EPB41L1: variants seen among roughly 807,000 people sequenced by gnomAD.
EPB41L1 encodes erythrocyte membrane protein band 4.1 like 1.
A neutral mutation model predicts 97.8 loss-of-function variants in EPB41L1; 29 were observed. The ratio of observed to expected loss-of-function variants is 0.30; its 90% CI spans 0.22 to 0.40. The LOEUF is 0.40. EPB41L1 is among the 10% of genes least tolerant of loss of function. The probability of loss-of-function intolerance (pLI) is 1.00; values close to 1 mark genes in which losing one functional copy is unlikely to be tolerated. For missense variants in EPB41L1, 812 were observed against 1,162.3 expected, an observed-to-expected ratio of 0.70 and a Z score of 4.38; for synonymous variants, 383 against 459.2, an observed-to-expected ratio of 0.83 and a Z score of 2.12.
intron 1 of EPB41L1, among the ~76,000 whole-genome samples, chr20:36,172,407 T>C (rs1359780206): frequency 6.6e-6 from 1 of 152,218 alleles, no homozygotes; most frequent in Non-Finnish European, 1.5e-5. Context: ...AAGATAAAAG[T>C]ACTTCCAAAA....
At chr20:36,208,272 C>A in intron 14 of EPB41L1, 1 of 418,352 alleles carries the variant, frequency 2.4e-6, no homozygotes, top group Non-Finnish European at 4.8e-6. Context: ...TTTCTGCCTC[C>A]TTAAGACTAA....
At chr20:36,210,519 C>T (rs1390663080) in intron 15 of EPB41L1, among the ~76,000 whole-genome samples, 1 of 152,122 alleles carries the variant, frequency 6.6e-6, no homozygotes. Flanking sequence ...TAGACCCAAC[C>T]TCCCTCCTAC....
At chr20:36,191,827 A>G (rs978593533) in intron 11 of EPB41L1, among the ~76,000 whole-genome samples, 1 of 152,186 alleles carries the variant, frequency 6.6e-6, no homozygotes, top group Non-Finnish European at 1.5e-5. Context: ...TTCTAGGGAA[A>G]ACTAAATGAG....
Position 36,214,386 on chromosome 20 carries a change from G to A in EPB41L1, c.2214G>A (p.Arg738=). 1 of 1,613,734 alleles carries A rather than the reference G, an allele frequency of 6.2e-7. No individual in the cohort carries two copies. The highest frequency in any genetic ancestry group is 8.5e-7 in the Non-Finnish European group (1 of 1,179,934). Reference sequence around the variant, plus strand: ...TTGATGGGAGTGCCTCAGTGGGGAGGGAGTTCATAGCAACCACTCCCTCCA... The same window carrying A: ...TTGATGGGAGTGCCTCAGTGGGGAGAGAGTTCATAGCAACCACTCCCTCCA... The part of the protein sequence containing the change: ...QQVDGSASVG[R]EFIATTPSIT... Residue 738 remains arginine (R), a synonymous_variant, in exon 17 of 22, where the codon AGG becomes AGA. Transcript: ENST00000338074.
intron 1 of EPB41L1, among the ~76,000 whole-genome samples, chr20:36,101,104 G>C (rs902658806): frequency 2.6e-5 from 4 of 152,160 alleles, no homozygotes; most frequent in Non-Finnish European, 4.4e-5. Flanking sequence ...CATTACTTTT[G>C]TCTCCTCACA....
intron 2 of EPB41L1, among the ~76,000 whole-genome samples, chr20:36,123,268 G>A (rs980022815): frequency 1.3e-5 from 2 of 152,026 alleles, no homozygotes; most frequent in African/African-American, 2.4e-5. Context: ...CCAGCCCAGG[G>A]TCTAGTTTGG....
intron 1 of EPB41L1, among the ~76,000 whole-genome samples, chr20:36,104,946 A>G (rs2058141582): frequency 6.6e-6 from 1 of 152,114 alleles, no homozygotes; most frequent in African/African-American, 2.4e-5. Context: ...AAGGATGTAC[A>G]TGACAAGCAA....
At chr20:36,216,580 G>A (rs1277025344) in intron 17 of EPB41L1, among the ~76,000 whole-genome samples, 1 of 152,216 alleles carries the variant, frequency 6.6e-6, no homozygotes, top group Admixed American at 6.5e-5. Context: ...CCTCTGTGGA[G>A]GAGGGACTTG....
rs765673962 is a variant in EPB41L1 at position 36,204,471 on chromosome 20, C to CTTTTTTTT, written c.1669-4998_1669-4991dup. Among the ~76,000 whole-genome samples, 23 of 90,598 alleles carry CTTTTTTTT rather than the reference C, an allele frequency of 2.5e-4. 2 individuals are homozygous for CTTTTTTTT. Among genetic ancestry groups the CTTTTTTTT allele is most frequent in the African/African-American group, 1.3e-3 (23 of 17,384 alleles). The allele number at this position is 90,598 out of a possible 152,430, so 59.4% of individuals were successfully genotyped here. A position where few individuals can be genotyped will look rare whatever the true frequency, so the allele number is the denominator to read the frequency against. On this transcript the variant is annotated intron_variant, in intron 14 of 21. Coordinates refer to ENST00000338074, the MANE Select transcript of EPB41L1 (RefSeq NM_012156.2). ...GGCCTAACAGTGCTGCGATCTGGTG[C>CTTTTTTTT]TTTTTTTTTTTTTTTTTTTTTTTTT...
chr20:36,134,154 C>G (rs182391147), intron 2 of EPB41L1, among the ~76,000 whole-genome samples: 1 of 152,314 alleles, frequency 6.6e-6, no homozygotes, highest in Admixed American at 6.5e-5. Flanking sequence ...CCAGGTCTGT[C>G]TGTCTCCAAA....
Position 36,162,628 on chromosome 20 carries a change from C to G in EPB41L1, c.-15+7732C>G, listed in dbSNP as rs2060578926. Among the ~76,000 whole-genome samples, 2 of 152,236 alleles carry G rather than the reference C, an allele frequency of 1.3e-5. 1 individual carries two copies. Among genetic ancestry groups the G allele is most frequent in the South Asian group, 4.1e-4 (2 of 4,828 alleles). ...ACGGGAGGTCTCTCTCTGCCTTCTG[C>G]ATCGTCATCAGGATGGGCCAGGTGG... On this transcript the variant is annotated intron_variant, in intron 1 of 21. Coordinates refer to ENST00000338074, the MANE Select transcript of EPB41L1 (RefSeq NM_012156.2).
Position 36,190,523 on chromosome 20 carries a change from GT to G in EPB41L1, c.1125-97del. 1.3e-6 allele frequency: 2 copies of G among 1,563,796 alleles called. No homozygotes were observed. The highest frequency in any genetic ancestry group is 3.4e-5 in the Admixed American group (2 of 59,192). ...TCCTGGACCACTTTGAATTGTTGTA[GT>G]TGGTGGAGTAGTGGGATGAAAGGCC... On this transcript the variant is annotated intron_variant, in intron 10 of 21. Transcript: ENST00000338074. The surrounding 1 kb of genome is among the most constrained non-coding windows in gnomAD (Gnocchi z 5.8).
At chr20:36,107,382 G>A (rs374517241) in intron 1 of EPB41L1, among the ~76,000 whole-genome samples, 9 of 151,124 alleles carry the variant, frequency 6.0e-5, no homozygotes, top group Admixed American at 5.3e-4. Context: ...CACCATACCC[G>A]GCTAATTTTT....
chr20:36,179,325 C>G (rs1457969040), intron 5 of EPB41L1, among the ~76,000 whole-genome samples: 1 of 152,168 alleles, frequency 6.6e-6, no homozygotes, highest in East Asian at 1.9e-4. Flanking sequence ...AAACAGCCAC[C>G]CTTCTGTCCA....
intron 7 of EPB41L1, 124 bp downstream of exon 7, chr20:36,185,459 C>A: frequency 1.1e-6 from 1 of 874,854 alleles, no homozygotes; most frequent in Non-Finnish European, 1.8e-6. Context: ...CTGCCCCTAG[C>A]TTGAGGTATA....
intron 1 of EPB41L1, among the ~76,000 whole-genome samples, chr20:36,160,363 C>T (rs1349253376): frequency 1.3e-5 from 2 of 152,292 alleles, no homozygotes; most frequent in East Asian, 3.9e-4. Context: ...GCGGGTAGAT[C>T]ACCTGAGGTC....
At chr20:36,211,762 G>A (rs1462049196) in intron 15 of EPB41L1, among the ~76,000 whole-genome samples, 1 of 152,122 alleles carries the variant, frequency 6.6e-6, no homozygotes, top group Admixed American at 6.5e-5. Flanking sequence ...GCTGAGGTAG[G>A]GGAATCGCTT....
At chr20:36,216,498 T>TA (rs1287980270) in intron 17 of EPB41L1, among the ~76,000 whole-genome samples, 2 of 152,352 alleles carry the variant, frequency 1.3e-5, no homozygotes, top group East Asian at 3.9e-4. Flanking sequence ...GGGAATCACT[T>TA]AAATTTTTTA....
chr20:36,117,008 G>C (rs2058605860), intron 2 of EPB41L1, among the ~76,000 whole-genome samples: 1 of 152,200 alleles, frequency 6.6e-6, no homozygotes, highest in African/African-American at 2.4e-5. Flanking sequence ...GGAGGAAAAT[G>C]ATGACAAATG....
Sources: gnomAD v4.1 joint callset for allele counts (sites outside exome capture counted in the v4.1 genomes callset) on GRCh38, gnomAD v4.1.1 for gene constraint, Gnocchi (gnomAD v3.1) non-coding constraint, MANE v1.5 for transcripts, NCBI Gene and HGNC (gene_info 2026-07-23, HGNC 2026-07-21) for gene names.